The following HMGB1 variants were observed in gnomAD, a reference collection of about 807,000 sequenced individuals.
HMGB1 encodes high mobility group protein B1.
For missense variants in HMGB1, 79 were observed against 253.5 expected, an observed-to-expected ratio of 0.31 and a Z score of 4.67; for synonymous variants, 81 against 84.0, an observed-to-expected ratio of 0.96 and a Z score of 0.19.
chr13:30,571,331 C>G (rs1307908233), intron 1 of HMGB1, among the ~76,000 whole-genome samples: 10 of 148,680 alleles, frequency 6.7e-5, no homozygotes, highest in African/African-American at 1.2e-4. Context: ...GTCTCGCTCT[C>G]TCGCCCAGGC....
At chr13:30,473,213 G>T (rs192244431) in intron 1 of HMGB1, among the ~76,000 whole-genome samples, 1 of 152,278 alleles carries the variant, frequency 6.6e-6, no homozygotes, top group African/African-American at 2.4e-5. Flanking sequence ...TTTTCCGGGG[G>T]GAAATCAGCA....
chr13:30,546,400 C>T (rs546864435), intron 1 of HMGB1, among the ~76,000 whole-genome samples: 1 of 152,314 alleles, frequency 6.6e-6, no homozygotes, highest in Admixed American at 6.5e-5. Flanking sequence ...AGGCGTGAGC[C>T]ACTGAGCCCG....
intron 1 of HMGB1, among the ~76,000 whole-genome samples, chr13:30,517,802 A>G (rs1279598051): frequency 1.3e-5 from 2 of 152,212 alleles, no homozygotes; most frequent in African/African-American, 2.4e-5. Context: ...ATTTCAGCAT[A>G]CAAAAACCAA....
intron 1 of HMGB1, among the ~76,000 whole-genome samples, chr13:30,473,092 C>A (rs1886983797): frequency 6.6e-6 from 1 of 152,104 alleles, no homozygotes; most frequent in African/African-American, 2.4e-5. Context: ...AATGGAGAGG[C>A]AAGAAGAAAG....
chr13:30,483,089 G>T (rs1308071013), intron 1 of HMGB1, among the ~76,000 whole-genome samples: 2 of 152,004 alleles, frequency 1.3e-5, no homozygotes, highest in East Asian at 3.9e-4. Context: ...CACCATGGCT[G>T]GTCCTTTACC....
intron 1 of HMGB1, among the ~76,000 whole-genome samples, chr13:30,590,483 G>A (rs147644221): frequency 2.9e-3 from 436 of 152,212 alleles, no homozygotes; most frequent in African/African-American, 0.01. Context: ...GAATACAGGT[G>A]TGAGTCACCA....
chr13:30,593,818 G>C lies in HMGB1; in HGVS notation c.-15+22853C>G, dbSNP rs557149524. Among the ~76,000 whole-genome samples the C allele has an allele frequency of 3.0e-3, 457 of 152,222 alleles. 4 individuals are homozygous for C. Among genetic ancestry groups the C allele is most frequent in the African/African-American group, 0.011 (437 of 41,526 alleles). ...TTCCACTAAAAAAGGAGTGGGGAGA[G>C]GTCTTTATTCTTCCAAAAATATCAA... is the stretch of plus-strand genomic sequence containing the variant. On this transcript the variant is annotated intron_variant, in intron 1 of 4. Transcript: ENST00000405805.
intron 1 of HMGB1, among the ~76,000 whole-genome samples, chr13:30,589,007 C>CTTTTTTTTTTTTTTTT (rs1292576513): frequency 2.2e-4 from 31 of 141,708 alleles, no homozygotes; most frequent in African/African-American, 7.5e-4. Flanking sequence ...TAGTTTACCA[C>CTTTTTTTTTTTTTTTT]TTTTTTTTTT....
chr13:30,536,516 A>AT (rs1269525487), intron 1 of HMGB1, among the ~76,000 whole-genome samples: 1 of 152,052 alleles, frequency 6.6e-6, no homozygotes, highest in East Asian at 1.9e-4. Flanking sequence ...CACCCGGCTA[A>AT]TTTTTGTATT....
intron 1 of HMGB1, among the ~76,000 whole-genome samples, chr13:30,574,424 T>A (rs371837044): frequency 5.3e-5 from 8 of 152,352 alleles, no homozygotes; most frequent in South Asian, 2.1e-4. Flanking sequence ...CCATAGATGA[T>A]GTTCAATAAA....
rs1296472647 is a variant in HMGB1 at position 30,457,226 on chromosome 13, T to C, written c.*4131A>G. The C allele has an allele frequency of 6.6e-6, 1 of 152,188 alleles. No homozygotes were observed. Among genetic ancestry groups the C allele is most frequent in the Admixed American group, 6.5e-5 (1 of 15,272 alleles). 9.4% of individuals were successfully genotyped at this position (152,188 alleles called of 1,614,324 possible). A position where few individuals can be genotyped will look rare whatever the true frequency, so the allele number is the denominator to read the frequency against. ...CTAGTGTCAAACTCCTGGCCTCAAG[T>C]GATCCTCCCACCTCGGCCTCCCAAA... On this transcript the variant is annotated 3_prime_UTR_variant, in exon 5 of 5. Coordinates refer to ENST00000341423, the MANE Select transcript of HMGB1 (RefSeq NM_002128.7).
At chr13:30,500,726 C>CTTT (rs570120939) in intron 1 of HMGB1, among the ~76,000 whole-genome samples, 1 of 127,688 alleles carries the variant, frequency 7.8e-6, no homozygotes, top group Non-Finnish European at 1.7e-5. Flanking sequence ...TTTTTAATTT[C>CTTT]TTTTTTTTTT....
intron 1 of HMGB1, among the ~76,000 whole-genome samples, chr13:30,529,871 G>A (rs75321397): frequency 0.014 from 2,200 of 152,224 alleles, 27 homozygotes; most frequent in African/African-American, 0.034. Flanking sequence ...CCAGGACCAC[G>A]TTTCTAAGCA....
chr13:30,470,875 C>T (rs1424110731), upstream of HMGB1, among the ~76,000 whole-genome samples: 1 of 152,096 alleles, frequency 6.6e-6, no homozygotes, highest in Admixed American at 6.5e-5. Context: ...TCTTGAACCC[C>T]TGACCTTAGG....
rs146374583 is a variant in HMGB1 at position 30,588,140 on chromosome 13, G to A, written c.-15+28531C>T. 5.3e-3 allele frequency among the ~76,000 whole-genome samples: 814 copies of A among 152,240 alleles called. 7 individuals are homozygous for A. Among genetic ancestry groups the A allele is most frequent in the African/African-American group, 0.017 (723 of 41,550 alleles). Reference sequence around the variant, plus strand: ...TCAGCACTGCCAAAGAGGAAATAAAGAGCATAATATCTATTCTTAGAAAAT... The same window carrying A: ...TCAGCACTGCCAAAGAGGAAATAAAAAGCATAATATCTATTCTTAGAAAAT... On this transcript the variant is annotated intron_variant, in intron 1 of 4. Coordinates refer to the HMGB1 transcript ENST00000405805.
chr13:30,492,972 G>A (rs1887532327), intron 1 of HMGB1, among the ~76,000 whole-genome samples: 1 of 137,606 alleles, frequency 7.3e-6, no homozygotes, highest in Non-Finnish European at 1.5e-5. Context: ...GCCTGGCCAG[G>A]TGACGAAGTG....
chr13:30,527,320 A>T (rs900455398), intron 1 of HMGB1, among the ~76,000 whole-genome samples: 3 of 152,176 alleles, frequency 2.0e-5, no homozygotes, highest in Admixed American at 1.3e-4. Flanking sequence ...TCAGCTCACC[A>T]AGGAAGGAAC....
intron 1 of HMGB1, among the ~76,000 whole-genome samples, chr13:30,576,237 G>A (rs947796827): frequency 2.0e-5 from 3 of 152,094 alleles, no homozygotes; most frequent in Non-Finnish European, 4.4e-5. Flanking sequence ...TGTAAAAAGC[G>A]CTGGATTGAA....
chr13:30,474,677 A>G (rs935237325), intron 1 of HMGB1, among the ~76,000 whole-genome samples: 4 of 151,808 alleles, frequency 2.6e-5, no homozygotes, highest in Non-Finnish European at 4.4e-5. Context: ...GCCGAGGCAG[A>G]AGAGGAGTTC....
Sources: gnomAD v4.1 joint callset for allele counts (sites outside exome capture counted in the v4.1 genomes callset) on GRCh38, gnomAD v4.1.1 for gene constraint, MANE v1.5 for transcripts, NCBI Gene and HGNC (gene_info 2026-07-23, HGNC 2026-07-21) for gene names.